Variants in SOD2 observed in about 807,000 individuals in gnomAD.
The protein encoded by SOD2 is superoxide dismutase [Mn], mitochondrial.
In SOD2, 11 loss-of-function variants were observed where a neutral mutation model predicts 27.0. The observed-to-expected ratio is 0.41, with a 90% confidence interval of 0.26 to 0.67. The LOEUF is 0.67. Among genes scored for constraint, SOD2 ranks in the 30% least tolerant of loss-of-function variants. The pLI, the probability that SOD2 is intolerant of heterozygous loss-of-function variation, is 0.34. For missense variants in SOD2, 250 were observed against 274.5 expected (o/e 0.91, Z 0.63); for synonymous variants, 105 against 103.0 (o/e 1.02, Z -0.12).
chr6:159,744,222 C>G (rs1329360123), intron 1 of SOD2, among the ~76,000 whole-genome samples: 1 of 151,522 alleles, frequency 6.6e-6, no homozygotes. Context: ...TTTAGTGTCT[C>G]CTTTTTAATT....
At chr6:159,762,176 G>C in exon 1 of SOD2, 1 of 1,597,736 alleles carries the variant, frequency 6.3e-7, no homozygotes, top group Non-Finnish European at 8.5e-7. Flanking sequence ...CAGAGTCCGA[G>C]GCGCCTGCTG....
rs1463826156 is a variant in SOD2, at chr6:159,692,803, G to C, written c.84C>G (p.Leu28=). 2.4e-5 allele frequency: 39 copies of C among 1,614,024 alleles called. No individual in the cohort carries two copies. The highest frequency in any genetic ancestry group is 3.3e-5 in the Non-Finnish European group (39 of 1,179,986). Residue 28 remains leucine, a synonymous_variant, in exon 2 of 5, where the codon CTC becomes CTG. Coordinates refer to ENST00000538183, the MANE Select transcript of SOD2 (RefSeq NM_000636.4). ...GYLGSRQKHS[L]PDLPYDYGAL... ...CGCCGTAGTCGTAGGGCAGGTCGGG[G>C]AGGCTGTGCTTCTGCCTGGAGCCCA... is the stretch of plus-strand genomic sequence containing the variant.
intron 1 of SOD2, 54 bp from the exon 2 acceptor site, chr6:159,692,917 A>G: frequency 6.8e-7 from 1 of 1,462,514 alleles, no homozygotes; most frequent in Admixed American, 2.4e-5. Context: ...CCGTCTACGC[A>G]GGCTGGGCTG....
intron 1 of SOD2, among the ~76,000 whole-genome samples, chr6:159,740,649 TTA>T: frequency 6.6e-6 from 1 of 152,200 alleles, no homozygotes; most frequent in East Asian, 1.9e-4. Context: ...ACATCAGTGT[TTA>T]CATAGAAAGT....
rs1008268212 is a variant in SOD2, at chr6:159,761,888, C to T, written c.-1187G>A. The T allele has an allele frequency of 3.3e-5, 11 of 338,266 alleles. No individual in the cohort carries two copies. The Admixed American group carries it at 5.8e-4, about 18-fold the overall frequency. The allele number at this position is 338,266 out of a possible 1,614,324, so 21.0% of individuals were successfully genotyped here. On this transcript the variant is annotated 5_prime_UTR_variant, in exon 1 of 8. Coordinates refer to the SOD2 transcript ENST00000546087. ...CTTCCGCCCCGCGCCCCGCGCCCCG[C>T]GCCCCGCGCGCCTCCGCCCGCCCCT...
At chr6:159,684,669 T>C (rs1387131879) in intron 4 of SOD2, among the ~76,000 whole-genome samples, 185 bp downstream of exon 4, 2 of 152,170 alleles carry the variant, frequency 1.3e-5, no homozygotes, top group African/African-American at 4.8e-5. Flanking sequence ...AAATTACGTG[T>C]ACTTAATTTT....
intron 1 of SOD2, among the ~76,000 whole-genome samples, chr6:159,751,024 G>A (rs1484529612): frequency 6.6e-6 from 1 of 152,230 alleles, no homozygotes; most frequent in African/African-American, 2.4e-5. Context: ...ACACATTTTA[G>A]AGTGTTTAGA....
In SOD2 at chr6:159,669,978, T is replaced by A. The variant is rs1414446777; in HGVS notation, c.*12515A>T. 6.6e-6 allele frequency: 1 copy of A among 152,200 alleles called. No homozygotes were observed. Among genetic ancestry groups the A allele is most frequent in the Non-Finnish European group, 1.5e-5 (1 of 68,038 alleles). The allele number at this position is 152,200 out of a possible 1,614,324, so 9.4% of individuals were successfully genotyped here. ...GTTATCATCAATAGAGGTGCAGACT[T>A]TTTAAACAAATCTCTTCCCAGGAGA... On this transcript the variant is annotated 3_prime_UTR_variant, in exon 5 of 5. Transcript: ENST00000538183.
rs1562427128 is a variant in SOD2 at position 159,693,125 on chromosome 6, C to CG, written c.23+19dup. On this transcript the variant is annotated intron_variant, in intron 1 of 4. Coordinates refer to ENST00000538183, the MANE Select transcript of SOD2 (RefSeq NM_000636.4). ...GCCCCTTCGCCCTTGGGGCCGTGAC[C>CG]GGGTCCCCTTTCTTCTCACCCGCAC... 8 of 1,529,008 alleles carry CG rather than the reference C, an allele frequency of 5.2e-6. No individual in the cohort carries two copies. The highest frequency in any genetic ancestry group is 6.1e-6 in the Non-Finnish European group (7 of 1,138,578). The allele number at this position is 1,529,008 out of a possible 1,614,324, so 94.7% of individuals were successfully genotyped here.
At position 159,686,059 on chromosome 6, in the gene SOD2, C is replaced by T. The variant is rs1800665; in HGVS notation, c.344-1026G>A. On this transcript the variant is annotated intron_variant, in intron 3 of 4. Transcript: ENST00000538183. ...CTGTCTTGATGGGCAGTTTTCTCTA[C>T]GACTGAACTAAGGGTATACTTTAAG... is the stretch of plus-strand genomic sequence containing the variant. Among the ~76,000 whole-genome samples, 1,432 of 152,208 alleles carry T rather than the reference C, an allele frequency of 9.4e-3. 14 individuals carry two copies. Among genetic ancestry groups the T allele is most frequent in the Middle Eastern group, 0.02 (6 of 294 alleles).
chr6:159,726,927 C>G (rs1162040872), intron 1 of SOD2: 42 of 1,288,654 alleles, frequency 3.3e-5, no homozygotes, highest in Non-Finnish European at 4.1e-5. Context: ...ACCTGGTCCT[C>G]CGACACGCGG....
At chr6:159,690,061 A>G (rs1023555384) in intron 2 of SOD2, among the ~76,000 whole-genome samples, 6 of 151,852 alleles carry the variant, frequency 4.0e-5, no homozygotes, top group African/African-American at 1.5e-4. Flanking sequence ...AGATGGGCGG[A>G]TCACTTGAGG....
At chr6:159,721,681 T>G (rs1778044189) in intron 1 of SOD2, among the ~76,000 whole-genome samples, 1 of 142,138 alleles carries the variant, frequency 7.0e-6, no homozygotes, top group African/African-American at 2.7e-5. Flanking sequence ...TGACCTTTTT[T>G]TTTTTTTTTT....
chr6:159,688,056 C>T (rs1780274034), intron 3 of SOD2, 70 bp downstream of exon 3: 1 of 885,194 alleles, frequency 1.1e-6, no homozygotes, highest in Admixed American at 2.1e-5. Context: ...TATAAGGTAA[C>T]TTCAGTAAAT....
Position 159,682,651 on chromosome 6 carries a change from A to C in SOD2, c.524-13T>G. 1 of 1,599,058 alleles carries C rather than the reference A, an allele frequency of 6.3e-7. No homozygotes were observed. Among genetic ancestry groups the C allele is most frequent in the South Asian group, 1.1e-5 (1 of 88,232 alleles). On this transcript the variant is annotated splice_polypyrimidine_tract_variant and intron_variant, in intron 4 of 4. Coordinates refer to ENST00000538183, the MANE Select transcript of SOD2 (RefSeq NM_000636.4). ...AGTGGAATAAGGCCTGTTAGAAAGA[A>C]GGGGAAAACAAACCAACCATCAGTT...
intron 1 of SOD2, among the ~76,000 whole-genome samples, chr6:159,738,210 C>G (rs1253354054): frequency 6.6e-6 from 1 of 152,212 alleles, no homozygotes; most frequent in South Asian, 2.1e-4. Flanking sequence ...AAAGCTTCAT[C>G]GAGTTATTCT....
rs559907022 is a variant in SOD2, at chr6:159,751,920, G to C, written c.-335-3244C>G. ...CTACTAAAAATCCAAAATTAGCTGG[G>C]GGTGCTCGTGCACACCTATAGTCCC... On this transcript the variant is annotated intron_variant, in intron 1 of 7. Coordinates refer to the SOD2 transcript ENST00000546087. Among the ~76,000 whole-genome samples the C allele has an allele frequency of 1.7e-4, 26 of 152,042 alleles. No homozygotes were observed. The East Asian group carries it at 1.9e-3, about 11-fold the overall frequency.
chr6:159,727,561 G>T (rs940088923), upstream of SOD2: 1 of 988,850 alleles, frequency 1.0e-6, no homozygotes, highest in African/African-American at 1.7e-5. Flanking sequence ...GAGCGCAGGG[G>T]TTGCGGCGGG....
chr6:159,726,844 A>G, intron 1 of SOD2: 1 of 1,289,186 alleles, frequency 7.8e-7, no homozygotes, highest in Non-Finnish European at 1.0e-6. Flanking sequence ...TAAGTTCTCA[A>G]AACTTACAGG....
Sources: allele counts gnomAD v4.1 joint callset (sites outside exome capture counted in the v4.1 genomes callset), GRCh38; gene constraint gnomAD v4.1.1; transcripts MANE v1.5; gene names NCBI Gene and HGNC (gene_info 2026-07-23, HGNC 2026-07-21).